The following FAAH2 variants were observed in gnomAD, a reference collection of about 807,000 sequenced individuals.
FAAH2 encodes fatty-acid amide hydrolase 2.
In FAAH2, 60 loss-of-function variants were observed where a neutral mutation model predicts 36.9. The ratio of observed to expected loss-of-function variants is 1.63; its 90% CI spans 1.32 to 2.02. The LOEUF (loss-of-function observed/expected upper bound fraction) is 2.02, where lower values mean the gene tolerates loss of function less well. Ranked by LOEUF, FAAH2 falls within the 30% of genes most tolerant of loss-of-function variation. FAAH2 has a pLI of 0.00. For synonymous variants in FAAH2, 214 were observed against 143.8 expected (o/e 1.49, Z -3.49); for missense variants, 689 against 397.5 (o/e 1.73, Z -6.23).
the FAAH2 span, among the ~76,000 whole-genome samples, chrX:57,199,344 C>G: frequency 9.0e-6 from 1 of 111,192 alleles, no homozygotes; most frequent in Non-Finnish European, 1.9e-5. Flanking sequence ...TAGTAACCCA[C>G]TGGTCATTCA....
intron 1 of FAAH2, among the ~76,000 whole-genome samples, chrX:57,288,338 C>CTTTTTTTTTTTTTTTTTTTTT (rs771871081): frequency 7.4e-5 from 3 of 40,363 alleles, no homozygotes; most frequent in African/African-American, 4.1e-4. Context: ...AAAAACATTT[C>CTTTTTTTTTTTTTTTTTTTTT]TTTTTTTTTT....
At chrX:57,461,885 AATAC>A (rs1272886762) in intron 10 of FAAH2, among the ~76,000 whole-genome samples, 19 of 110,821 alleles carry the variant, frequency 1.7e-4, no homozygotes, top group African/African-American at 6.2e-4. Context: ...AGATTAACAA[AATAC>A]ATAGACCACT....
At chrX:57,392,863 T>A (rs2055199893) in intron 7 of FAAH2, 1 of 754,860 alleles carries the variant, frequency 1.3e-6, no homozygotes, top group Admixed American at 2.2e-5. Context: ...GCCATGCAGA[T>A]GGGGAGATTC....
At chrX:57,481,145 C>G (rs111771137) in intron 10 of FAAH2, among the ~76,000 whole-genome samples, 3,081 of 110,169 alleles carry the variant, frequency 0.028, 124 homozygotes, top group African/African-American at 0.096. Context: ...TTCCTGTAAC[C>G]TTTTATCAAG....
chrX:57,132,733 A>G, the FAAH2 span, among the ~76,000 whole-genome samples: 1 of 112,667 alleles, frequency 8.9e-6, no homozygotes, highest in Admixed American at 9.3e-5. Flanking sequence ...GTGATCCTGT[A>G]AAACTAAGAC....
At chrX:57,223,789 T>A in the FAAH2 span, among the ~76,000 whole-genome samples, 1 of 112,129 alleles carries the variant, frequency 8.9e-6, no homozygotes, top group Non-Finnish European at 1.9e-5. Flanking sequence ...ATGCATATAA[T>A]TCTCCGTTTT....
the FAAH2 span, among the ~76,000 whole-genome samples, chrX:57,169,873 C>G: frequency 9.3e-6 from 1 of 107,739 alleles, no homozygotes; most frequent in Non-Finnish European, 1.9e-5. Context: ...CTTCTAAACA[C>G]ACACACACAC....
At chrX:57,213,280 C>G in the FAAH2 span, among the ~76,000 whole-genome samples, 2 of 111,256 alleles carry the variant, frequency 1.8e-5, no homozygotes, top group Non-Finnish European at 1.9e-5. Flanking sequence ...GAAGAAAAAT[C>G]ATTTGGTTTC....
At chrX:57,376,678 G>T (rs1355046088) in intron 5 of FAAH2, among the ~76,000 whole-genome samples, 3 of 111,966 alleles carry the variant, frequency 2.7e-5, no homozygotes, top group Non-Finnish European at 5.6e-5. Flanking sequence ...CCAGTAATGG[G>T]ATTGCTGGGT....
the FAAH2 span, among the ~76,000 whole-genome samples, chrX:57,257,366 C>A: frequency 9.0e-6 from 1 of 111,465 alleles, no homozygotes. Flanking sequence ...GCAGCCAGAA[C>A]AAAAGGATTT....
At chrX:57,278,113 A>G in the FAAH2 span, among the ~76,000 whole-genome samples, 1 of 111,880 alleles carries the variant, frequency 8.9e-6, no homozygotes, top group African/African-American at 3.3e-5. Flanking sequence ...CCTCATTGCC[A>G]TGACAATCCT....
chrX:57,251,998 A>G, the FAAH2 span, among the ~76,000 whole-genome samples: 2 of 112,356 alleles, frequency 1.8e-5, no homozygotes, highest in Non-Finnish European at 3.8e-5. Flanking sequence ...ACTCCTTTCC[A>G]AATGCTGTGC....
intron 2 of FAAH2, among the ~76,000 whole-genome samples, chrX:57,308,729 C>T (rs1283758411): frequency 9.0e-6 from 1 of 111,466 alleles, no homozygotes; most frequent in Non-Finnish European, 1.9e-5. Context: ...CCATTTCTAG[C>T]ATATTGTCAT....
At chrX:57,187,341 T>C in the FAAH2 span, among the ~76,000 whole-genome samples, 2 of 110,537 alleles carry the variant, frequency 1.8e-5, no homozygotes, top group Non-Finnish European at 3.8e-5. Context: ...TGAATGGGGG[T>C]TCACTCATAA....
At chrX:57,446,845 A>G in intron 8 of FAAH2, 83 bp from the exon 9 acceptor site, 3 of 558,540 alleles carry the variant, frequency 5.4e-6, no homozygotes, top group Non-Finnish European at 8.6e-6. Context: ...ATGATTATTC[A>G]TATATAAGTC....
At chrX:57,279,578 ACC>A in the FAAH2 span, among the ~76,000 whole-genome samples, 1 of 111,256 alleles carries the variant, frequency 9.0e-6, no homozygotes, top group African/African-American at 3.3e-5. Context: ...TGCACATGTA[ACC>A]CCAAACTTAA....
At chrX:57,487,958 A>G (rs1488443722) in intron 10 of FAAH2, among the ~76,000 whole-genome samples, 2 of 112,155 alleles carry the variant, frequency 1.8e-5, no homozygotes, top group African/African-American at 6.5e-5. Context: ...GTCTTTGTCC[A>G]TAAAAGAACC....
intron 7 of FAAH2, chrX:57,381,563 G>A (rs958087313): frequency 5.7e-5 from 39 of 685,386 alleles, no homozygotes; most frequent in Non-Finnish European, 6.2e-5. Flanking sequence ...TTACGTGGAA[G>A]CAATGGAAGA....
chrX:57,448,775 C>G lies in FAAH2; in HGVS notation c.1423+57C>G, dbSNP rs187723920. 1.0e-5 allele frequency: 11 copies of G among 1,078,681 alleles called. No homozygotes were observed. In the East Asian group the frequency reaches 3.1e-4, roughly 30 times the overall value. 88.9% of individuals were successfully genotyped at this position (1,078,681 alleles called of 1,213,427 possible). A position where few individuals can be genotyped will look rare whatever the true frequency, so the allele number is the denominator to read the frequency against. On this transcript the variant is annotated intron_variant, in intron 10 of 10. Transcript: ENST00000374900. ...CTTAAAGAAATAGAGATGTATGTTT[C>G]CAAGGAAAGCATAATTTTCTTTTGC... is the stretch of plus-strand genomic sequence containing the variant.
Sources: allele counts gnomAD v4.1 joint callset (sites outside exome capture counted in the v4.1 genomes callset), GRCh38; gene constraint gnomAD v4.1.1; transcripts MANE v1.5; gene names NCBI Gene and HGNC (gene_info 2026-07-23, HGNC 2026-07-21).